Variants in ZC3H11A observed in about 807,000 individuals in gnomAD.
ZC3H11A encodes zinc finger CCCH-type containing 11A, also known as zinc finger CCCH domain-containing protein 11A.
In ZC3H11A, 22 loss-of-function variants were observed where a neutral mutation model predicts 90.8. That is an observed-to-expected ratio of 0.24 (90% CI 0.17 to 0.35). The LOEUF (loss-of-function observed/expected upper bound fraction) is 0.35. Among genes scored for constraint, ZC3H11A ranks in the 10% least tolerant of loss-of-function variants. ZC3H11A has a pLI of 1.00. For synonymous variants in ZC3H11A, 294 were observed against 339.8 expected (o/e 0.87, Z 1.48); for missense variants, 701 against 964.9 (o/e 0.73, Z 3.62).
intron 2 of ZC3H11A, among the ~76,000 whole-genome samples, chr1:203,809,172 GTTT>G (rs33926996): frequency 1.2e-5 from 1 of 83,248 alleles, no homozygotes; most frequent in East Asian, 4.0e-4. Context: ...TCTTCTCACT[GTTT>G]TTTTTTTTTT....
intron 2 of ZC3H11A, among the ~76,000 whole-genome samples, chr1:203,803,600 C>T (rs1006571639): frequency 4.6e-5 from 7 of 152,086 alleles, no homozygotes; most frequent in Admixed American, 4.6e-4. Context: ...GAGAAAAGCA[C>T]TGGGTTATTT....
At chr1:203,806,677 G>A (rs1672451790) in intron 2 of ZC3H11A, among the ~76,000 whole-genome samples, 1 of 152,044 alleles carries the variant, frequency 6.6e-6, no homozygotes, top group African/African-American at 2.4e-5. Flanking sequence ...CTGTTGAATG[G>A]GTGTCCTTTT....
In ZC3H11A at chr1:203,798,356, G is replaced by T. The variant is rs1190947878; in HGVS notation, c.-1588+2562G>T. 4 of 1,535,214 alleles carry T rather than the reference G, an allele frequency of 2.6e-6. No homozygotes were observed. In the African/African-American group the frequency reaches 5.5e-5, roughly 21 times the overall value. ...GGAATTTTTTTTACACTGATCCTCA[G>T]CACATCTCAAGAGCTGTGTGTAATA... is the stretch of plus-strand genomic sequence containing the variant. On this transcript the variant is annotated intron_variant, in intron 1 of 17. Coordinates refer to ENST00000367210, the MANE Select transcript of ZC3H11A (RefSeq NM_001376342.1).
rs185992472 is a variant in ZC3H11A, at chr1:203,842,129, C to T, written c.1042+1755C>T. Among the ~76,000 whole-genome samples, 988 of 149,968 alleles carry T rather than the reference C, an allele frequency of 6.6e-3. 10 individuals carry two copies. Among genetic ancestry groups the T allele is most frequent in the Middle Eastern group, 0.028 (8 of 288 alleles). ...TCACTTCCCAGACTGGGCGGCTGGGCGGAAGGGCTCCTCACATCCCAGACG... is the reference window on the plus strand; with the variant it reads ...TCACTTCCCAGACTGGGCGGCTGGGTGGAAGGGCTCCTCACATCCCAGACG... On this transcript the variant is annotated intron_variant, in intron 12 of 17. Transcript: ENST00000367210.
At chr1:203,845,086 G>A (rs1687525974) in intron 12 of ZC3H11A, among the ~76,000 whole-genome samples, 1 of 152,020 alleles carries the variant, frequency 6.6e-6, no homozygotes, top group East Asian at 1.9e-4. Flanking sequence ...TCCTTTGACT[G>A]TATTGGGAGG....
chr1:203,845,284 G>A (rs1687579748), intron 12 of ZC3H11A, among the ~76,000 whole-genome samples: 1 of 152,008 alleles, frequency 6.6e-6, no homozygotes, highest in South Asian at 2.1e-4. Context: ...GGTAGGGGAG[G>A]GAAACAGGGC....
intron 1 of ZC3H11A, chr1:203,796,544 C>G (rs1481347466): frequency 5.0e-6 from 2 of 398,656 alleles, no homozygotes; most frequent in Admixed American, 4.4e-5. Context: ...TCTTCCAGGC[C>G]TTGGTTCTGG....
chr1:203,844,545 CTTTT>C (rs1687357920), intron 12 of ZC3H11A, among the ~76,000 whole-genome samples: 1 of 152,162 alleles, frequency 6.6e-6, no homozygotes, highest in African/African-American at 2.4e-5. Context: ...TTAACCACTT[CTTTT>C]TATTTATTTT....
chr1:203,812,449 A>T (rs1286050502), intron 2 of ZC3H11A, among the ~76,000 whole-genome samples: 1 of 152,068 alleles, frequency 6.6e-6, no homozygotes, highest in Non-Finnish European at 1.5e-5. Context: ...TGCAAAGGAC[A>T]TGATTTTGTT....
chr1:203,810,010 CT>C (rs537617107), intron 2 of ZC3H11A, among the ~76,000 whole-genome samples: 21 of 151,340 alleles, frequency 1.4e-4, no homozygotes, highest in African/African-American at 4.1e-4. Flanking sequence ...AACCTAGATA[CT>C]TTTTTTTTCC....
chr1:203,820,695 G>T (rs1448556333), intron 4 of ZC3H11A, among the ~76,000 whole-genome samples: 7 of 152,030 alleles, frequency 4.6e-5, no homozygotes, highest in Admixed American at 4.6e-4. Flanking sequence ...GGCCAGGCTG[G>T]TCTCGAATTG....
intron 1 of ZC3H11A, chr1:203,799,229 G>A: frequency 1.1e-6 from 1 of 881,554 alleles, no homozygotes; most frequent in Non-Finnish European, 1.8e-6. Context: ...CCTCTAATGT[G>A]GTACATGCAA....
At chr1:203,799,045 C>A (rs534745068) in intron 1 of ZC3H11A, 2 of 1,536,080 alleles carry the variant, frequency 1.3e-6, no homozygotes, top group East Asian at 4.9e-5. Flanking sequence ...TTGGAAACTG[C>A]GTCTTTTCTC....
At position 203,802,338 on chromosome 1, in the gene ZC3H11A, A is replaced by G. The variant is rs994564394; in HGVS notation, c.-824A>G. 2.0e-5 allele frequency: 3 copies of G among 152,558 alleles called. No individual in the cohort carries two copies. The highest frequency in any genetic ancestry group is 6.5e-5 in the Admixed American group (1 of 15,272). 9.5% of individuals were successfully genotyped at this position (152,558 alleles called of 1,614,324 possible). On this transcript the variant is annotated 5_prime_UTR_variant, in exon 2 of 18. Coordinates refer to ENST00000367210, the MANE Select transcript of ZC3H11A (RefSeq NM_001376342.1). Reference sequence around the variant, plus strand: ...ACTTTGGTATAAGAGTAAGTTCTTTATTTTTATAATGAACCCAAATCTAAA... The same window carrying G: ...ACTTTGGTATAAGAGTAAGTTCTTTGTTTTTATAATGAACCCAAATCTAAA...
At chr1:203,818,980 A>G (rs1355410576) in intron 4 of ZC3H11A, among the ~76,000 whole-genome samples, 1 of 151,354 alleles carries the variant, frequency 6.6e-6, no homozygotes, top group East Asian at 2.0e-4. Context: ...GAGGCAGGAA[A>G]ATCGCTCGAA....
At chr1:203,828,950 C>T (rs1389793912) in intron 5 of ZC3H11A, among the ~76,000 whole-genome samples, 1 of 152,124 alleles carries the variant, frequency 6.6e-6, no homozygotes, top group African/African-American at 2.4e-5. Context: ...AGTGGTTATT[C>T]CCAAAGTTCA....
intron 16 of ZC3H11A, 147 bp from the exon 17 acceptor site, chr1:203,850,910 A>G: frequency 8.4e-7 from 1 of 1,196,660 alleles, no homozygotes; most frequent in Non-Finnish European, 1.2e-6. Context: ...TTGCTTATTT[A>G]TATACTCAAC....
At chr1:203,800,429 T>A in intron 1 of ZC3H11A, 10 of 1,402,026 alleles carry the variant, frequency 7.1e-6, no homozygotes, top group Non-Finnish European at 9.6e-6. Flanking sequence ...AGAATGAAGT[T>A]GTTCAAAGCA....
At chr1:203,822,675 C>G (rs1679181161) in intron 4 of ZC3H11A, among the ~76,000 whole-genome samples, 1 of 152,174 alleles carries the variant, frequency 6.6e-6, no homozygotes, top group African/African-American at 2.4e-5. Context: ...AGAGACATTG[C>G]TAACCCTGCT....
Sources: allele counts gnomAD v4.1 joint callset (sites outside exome capture counted in the v4.1 genomes callset), GRCh38; gene constraint gnomAD v4.1.1; transcripts MANE v1.5; gene names NCBI Gene and HGNC (gene_info 2026-07-23, HGNC 2026-07-21).